The following MAPKAPK3 variants were observed in gnomAD, a reference collection of about 807,000 sequenced individuals.
MAPKAPK3 encodes MAPK activated protein kinase 3.
In MAPKAPK3, 35 loss-of-function variants were observed where a neutral mutation model predicts 49.2. That is an observed-to-expected ratio of 0.71 (90% CI 0.54 to 0.94). MAPKAPK3 has a LOEUF of 0.94. Among genes scored for constraint, MAPKAPK3 ranks in the 40% least tolerant of loss-of-function variants. The probability of loss-of-function intolerance (pLI) is 0.00; values close to 1 mark genes in which losing one functional copy is unlikely to be tolerated. For missense variants in MAPKAPK3, 398 were observed against 493.1 expected (o/e 0.81, Z 1.83); for synonymous variants, 178 against 188.7 (o/e 0.94, Z 0.46).
At chr3:50,642,779 T>A (rs1181189965) in intron 5 of MAPKAPK3, among the ~76,000 whole-genome samples, 1 of 152,182 alleles carries the variant, frequency 6.6e-6, no homozygotes, top group Non-Finnish European at 1.5e-5. Flanking sequence ...CAGCAAGAAA[T>A]TTTGTGTGGA....
rs768388741 is a variant in MAPKAPK3, at chr3:50,617,685, C to G, written c.120C>G (p.Thr40=). 1.9e-6 allele frequency: 3 copies of G among 1,613,368 alleles called. No homozygotes were observed. The South Asian group carries it at 3.3e-5, about 18-fold the overall frequency. The change falls in exon 2 of 11, where the codon ACC becomes ACG. Residue 40 remains threonine, a synonymous_variant. Coordinates refer to ENST00000621469, the MANE Select transcript of MAPKAPK3 (RefSeq NM_001243925.2). ...GGGAGCCCAAGAAGTACGCAGTGAC[C>G]GACGACTACCAGTTGTCCAAGCAGG... ...GRREPKKYAV[T]DDYQLSKQVL...
At chr3:50,636,646 A>G (rs957666440) in intron 2 of MAPKAPK3, among the ~76,000 whole-genome samples, 4 of 152,226 alleles carry the variant, frequency 2.6e-5, no homozygotes, top group African/African-American at 9.6e-5. Context: ...TAAACAAAGC[A>G]TATATTGAAA....
In MAPKAPK3 at chr3:50,647,908, T is replaced by C; in HGVS notation, c.1011T>C (p.Ser337=). ...TCTGTCCCCAGGAGGAGATGACCAG[T>C]GCCTTGGCCACTATGCGGGTAGACT... ...HWDEVKEEMT[S]ALATMRVDYD... The change falls in exon 11 of 11, where the codon AGT becomes AGC. Residue 337 remains serine, a synonymous_variant. Transcript: ENST00000621469. 1 of 1,613,412 alleles carries C rather than the reference T, an allele frequency of 6.2e-7. No individual in the cohort carries two copies. The highest frequency in any genetic ancestry group is 8.5e-7 in the Non-Finnish European group (1 of 1,179,736).
At chr3:50,621,597 C>CAAA (rs57325539) in intron 2 of MAPKAPK3, among the ~76,000 whole-genome samples, 8 of 41,736 alleles carry the variant, frequency 1.9e-4, no homozygotes, top group Admixed American at 5.1e-4. Context: ...GGCTGTGTCT[C>CAAA]AAAAAAAAAA....
upstream of MAPKAPK3, among the ~76,000 whole-genome samples, chr3:50,614,983 T>A (rs2032427915): frequency 6.6e-6 from 1 of 152,238 alleles, no homozygotes. Context: ...AATACAATTA[T>A]AAAATTTGTA....
chr3:50,631,191 G>A (rs1239750702), intron 2 of MAPKAPK3, among the ~76,000 whole-genome samples: 1 of 152,188 alleles, frequency 6.6e-6, no homozygotes, highest in Non-Finnish European at 1.5e-5. Context: ...AATGAGCTAC[G>A]AAAGCTCGGA....
rs980254016 is a variant in MAPKAPK3, at chr3:50,619,320, C to T, written c.219+1536C>T. Among the ~76,000 whole-genome samples the T allele has an allele frequency of 1.4e-4, 21 of 152,254 alleles. 1 individual carries two copies. The East Asian group carries it at 2.5e-3, about 18-fold the overall frequency. On this transcript the variant is annotated intron_variant, in intron 2 of 10. Coordinates refer to ENST00000621469, the MANE Select transcript of MAPKAPK3 (RefSeq NM_001243925.2). ...GGGCCAACAGAGGAGGTTGTCTCCC[C>T]GGAGTACCTTGGAGGGGAACATGCG...
chr3:50,622,855 G>A (rs1371611142), intron 2 of MAPKAPK3, among the ~76,000 whole-genome samples: 2 of 152,188 alleles, frequency 1.3e-5, no homozygotes, highest in African/African-American at 4.8e-5. Context: ...TAGACAGAGG[G>A]GCTCTGTATA....
chr3:50,612,459 C>G (rs2032359716), upstream of MAPKAPK3: 1 of 152,378 alleles, frequency 6.6e-6, no homozygotes, highest in African/African-American at 2.4e-5. Flanking sequence ...GTGCAGAGGA[C>G]AGTTCCAGAA....
At chr3:50,640,682 G>A (rs1469405956) in intron 3 of MAPKAPK3, among the ~76,000 whole-genome samples, 177 bp downstream of exon 3, 1 of 152,194 alleles carries the variant, frequency 6.6e-6, no homozygotes, top group Non-Finnish European at 1.5e-5. Context: ...TATGGAGTTG[G>A]CCATAAGGAC....
At chr3:50,617,340 T>C (rs2032493976) in intron 1 of MAPKAPK3, 99 bp downstream of exon 1, 2 of 449,084 alleles carry the variant, frequency 4.5e-6, no homozygotes, top group Non-Finnish European at 8.0e-6. Flanking sequence ...CGGGCGGTGC[T>C]CGCTTGTACC....
At chr3:50,647,068 A>G (rs760146241) in intron 9 of MAPKAPK3, 55 bp from the exon 10 acceptor site, 3 of 1,408,024 alleles carry the variant, frequency 2.1e-6, no homozygotes, top group East Asian at 2.5e-5. Context: ...AGGGGGAACC[A>G]GTGCTGTCCC....
Position 50,647,879 on chromosome 3 carries a change from C to A in MAPKAPK3, c.997-15C>A. 6.2e-7 allele frequency: 1 copy of A among 1,607,640 alleles called. No individual in the cohort carries two copies. The highest frequency in any genetic ancestry group is 1.1e-5 in the South Asian group (1 of 90,218). On this transcript the variant is annotated splice_polypyrimidine_tract_variant and intron_variant, in intron 10 of 10. Coordinates refer to ENST00000621469, the MANE Select transcript of MAPKAPK3 (RefSeq NM_001243925.2). ...ATCCTGACCTCTTAGTGCCCACCAT[C>A]CTGTCTGTCCCCAGGAGGAGATGAC...
At chr3:50,646,058 C>T (rs2033283497) in intron 7 of MAPKAPK3, 82 bp from the exon 8 acceptor site, 1 of 1,532,650 alleles carries the variant, frequency 6.5e-7, no homozygotes, top group Non-Finnish European at 8.8e-7. Flanking sequence ...GTCTGTCTCC[C>T]CAGTCAGGGG....
At chr3:50,624,519 G>A (rs2032687380) in intron 2 of MAPKAPK3, among the ~76,000 whole-genome samples, 1 of 152,106 alleles carries the variant, frequency 6.6e-6, no homozygotes, top group African/African-American at 2.4e-5. Flanking sequence ...GAAGGGTAGA[G>A]CACCATTGCT....
intron 2 of MAPKAPK3, among the ~76,000 whole-genome samples, chr3:50,632,321 A>G (rs187315623): frequency 3.8e-4 from 58 of 152,348 alleles, no homozygotes; most frequent in Non-Finnish European, 2.9e-5. Flanking sequence ...GACTTCCAGG[A>G]AGCTCAGAAT....
chr3:50,614,770 G>A (rs138788385), upstream of MAPKAPK3, among the ~76,000 whole-genome samples: 67 of 152,292 alleles, frequency 4.4e-4, no homozygotes, highest in East Asian at 0.011. Context: ...TGGGCTAAGT[G>A]AGTAGTTTCA....
At chr3:50,645,827 A>AC (rs777463586) in intron 7 of MAPKAPK3, 42 bp downstream of exon 7, 15 of 1,545,556 alleles carry the variant, frequency 9.7e-6, no homozygotes, top group Non-Finnish European at 7.9e-6. Flanking sequence ...TCCTGCCCTT[A>AC]CCCCCACTGT....
At chr3:50,626,993 G>A (rs1176298486) in intron 2 of MAPKAPK3, among the ~76,000 whole-genome samples, 1 of 152,100 alleles carries the variant, frequency 6.6e-6, no homozygotes, top group Non-Finnish European at 1.5e-5. Flanking sequence ...AGGAGTTCGA[G>A]ATCAGCGTGG....
Sources: gnomAD v4.1 joint callset for allele counts (sites outside exome capture counted in the v4.1 genomes callset) on GRCh38, gnomAD v4.1.1 for gene constraint, MANE v1.5 for transcripts, NCBI Gene and HGNC (gene_info 2026-07-23, HGNC 2026-07-21) for gene names.